GANC: variants seen among roughly 807,000 people sequenced by gnomAD.
GANC encodes the protein glucosidase alpha, neutral C.
A neutral mutation model predicts 124.2 loss-of-function variants in GANC; 117 were observed. The ratio of observed to expected loss-of-function variants is 0.94; its 90% CI spans 0.81 to 1.10. GANC has a LOEUF of 1.10. GANC is among the 50% of genes least tolerant of loss of function. GANC has a pLI of 0.00. For missense variants in GANC, 1,140 were observed against 1,095.0 expected, an observed-to-expected ratio of 1.04 and a Z score of -0.58; for synonymous variants, 377 against 376.8, an observed-to-expected ratio of 1.00 and a Z score of -0.01.
intron 5 of GANC, among the ~76,000 whole-genome samples, chr15:42,296,266 T>C (rs1439022886): frequency 6.6e-6 from 1 of 152,206 alleles, no homozygotes; most frequent in Non-Finnish European, 1.5e-5. Flanking sequence ...CTGAAATTAA[T>C]ATATCTACTC....
chr15:42,353,037 G>A lies in GANC; in HGVS notation c.*898G>A. The stretch of plus-strand genomic sequence containing the variant: ...GAATTAATGCAAAAAAAACCATGAT[G>A]AACAAAATATTAAAATTTAAAATAA... On this transcript the variant is annotated 3_prime_UTR_variant, in exon 24 of 24. Transcript: ENST00000318010. 9.4e-6 allele frequency: 8 copies of A among 849,358 alleles called. No individual in the cohort carries two copies. The highest frequency in any genetic ancestry group is 1.1e-5 in the Non-Finnish European group (8 of 705,736). 52.6% of individuals were successfully genotyped at this position (849,358 alleles called of 1,614,324 possible).
intron 9 of GANC, 90 bp from the exon 10 acceptor site, chr15:42,310,603 C>G: frequency 6.6e-7 from 1 of 1,514,160 alleles, no homozygotes; most frequent in Non-Finnish European, 9.0e-7. Flanking sequence ...TCAGTAGTAT[C>G]TACTAAAGGA....
rs1263532044 is a variant in GANC at position 42,274,587 on chromosome 15, T to C, written c.29+77T>C. Reference sequence around the variant, plus strand: ...GGAATAGTGTTTTAATTGCATTTCTTATTTGCGTATTTGGTATTTGCTGAC... The same window carrying C: ...GGAATAGTGTTTTAATTGCATTTCTCATTTGCGTATTTGGTATTTGCTGAC... On this transcript the variant is annotated intron_variant, in intron 1 of 23. Coordinates refer to ENST00000318010, the MANE Select transcript of GANC (RefSeq NM_198141.3). 4 of 1,355,014 alleles carry C rather than the reference T, an allele frequency of 3.0e-6. No individual in the cohort carries two copies. The Admixed American group carries it at 9.9e-5, about 34-fold the overall frequency. 83.9% of individuals were successfully genotyped at this position (1,355,014 alleles called of 1,614,324 possible). A position where few individuals can be genotyped will look rare whatever the true frequency, so the allele number is the denominator to read the frequency against.
intron 8 of GANC, among the ~76,000 whole-genome samples, chr15:42,309,434 C>T (rs1047245513): frequency 6.6e-6 from 1 of 151,970 alleles, no homozygotes; most frequent in Non-Finnish European, 1.5e-5. Context: ...ATTCTCCTGC[C>T]TCAGCCTCCC....
At chr15:42,315,723 T>A (rs2052095688) in intron 10 of GANC, among the ~76,000 whole-genome samples, 1 of 152,188 alleles carries the variant, frequency 6.6e-6, no homozygotes, top group South Asian at 2.1e-4. Context: ...AGATTAACAT[T>A]TAAGTCAGTA....
At chr15:42,287,355 G>A (rs2051799557) in intron 3 of GANC, among the ~76,000 whole-genome samples, 2 of 152,130 alleles carry the variant, frequency 1.3e-5, no homozygotes, top group African/African-American at 2.4e-5. Flanking sequence ...AGATACAGTA[G>A]CCACATGTCC....
At chr15:42,326,154 G>A (rs1343775726) in intron 11 of GANC, 144 bp from the exon 12 acceptor site, 4 of 630,604 alleles carry the variant, frequency 6.3e-6, no homozygotes, top group Non-Finnish European at 1.1e-5. Flanking sequence ...TTTTGTTTTT[G>A]TTTTTGTTTT....
chr15:42,297,547 A>G, intron 5 of GANC, 64 bp from the exon 6 acceptor site: 1 of 1,238,668 alleles, frequency 8.1e-7, no homozygotes, highest in Non-Finnish European at 1.2e-6. Context: ...AAAAATCTTT[A>G]TCATTGAACA....
chr15:42,350,601 G>T (rs1359289875), intron 22 of GANC, among the ~76,000 whole-genome samples: 1 of 140,262 alleles, frequency 7.1e-6, no homozygotes, highest in Admixed American at 7.4e-5. Context: ...CGCCCAGGCT[G>T]GAGTGCAGTG....
chr15:42,287,391 T>C (rs2051800069), intron 3 of GANC, among the ~76,000 whole-genome samples: 1 of 152,228 alleles, frequency 6.6e-6, no homozygotes, highest in Non-Finnish European at 1.5e-5. Flanking sequence ...AGTTTCAGTT[T>C]ATGCCTGTCT....
intron 10 of GANC, chr15:42,314,271 G>A (rs1229166358): frequency 1.8e-5 from 12 of 652,148 alleles, no homozygotes; most frequent in African/African-American, 3.6e-5. Context: ...AGCCTGATGA[G>A]GAAAGGGGGC....
At position 42,340,781 on chromosome 15, in the gene GANC, T is replaced by G. The variant is rs767110722; in HGVS notation, c.2152+27T>G. Reference sequence around the variant, plus strand: ...TGAGCATTTCTGTTTTTTTTTTTTTTTTTGAGACGGAGTCTCACTCTGTCA... The same window carrying G: ...TGAGCATTTCTGTTTTTTTTTTTTTGTTTGAGACGGAGTCTCACTCTGTCA... On this transcript the variant is annotated intron_variant, in intron 18 of 23. Coordinates refer to ENST00000318010, the MANE Select transcript of GANC (RefSeq NM_198141.3). The G allele has an allele frequency of 3.0e-4, 466 of 1,574,714 alleles. 2 individuals carry two copies. The highest frequency in any genetic ancestry group is 3.9e-5 in the Non-Finnish European group (46 of 1,165,698).
Position 42,352,022 on chromosome 15 carries a change from CTATT to C in GANC, c.2636-5_2636-2del. 6.2e-7 allele frequency: 1 copy of C among 1,613,790 alleles called. No individual in the cohort carries two copies. The highest frequency in any genetic ancestry group is 2.2e-5 in the East Asian group (1 of 44,872). ...AAAATTTCCCTCTTTTATTGTCTTG[CTATT>C]TAGATGGTAAAGATCAGCCTGTGGC... On this transcript the variant is annotated splice_polypyrimidine_tract_variant and splice_region_variant and intron_variant, in intron 23 of 23. Coordinates refer to ENST00000318010, the MANE Select transcript of GANC (RefSeq NM_198141.3).
Position 42,314,245 on chromosome 15 carries a change from C to T in GANC, c.1057+3399C>T, listed in dbSNP as rs556503231. 3.3e-5 allele frequency: 23 copies of T among 700,768 alleles called. No individual in the cohort carries two copies. In the African/African-American group the frequency reaches 3.4e-4, roughly 10 times the overall value. 43.4% of individuals were successfully genotyped at this position (700,768 alleles called of 1,614,324 possible). A position where few individuals can be genotyped will look rare whatever the true frequency, so the allele number is the denominator to read the frequency against. ...TAAAGCACCTGAAGCACGTAGCTAC[C>T]CAGCATGGAATTTAAAGCCTGATGA... On this transcript the variant is annotated intron_variant, in intron 10 of 23. Transcript: ENST00000318010.
chr15:42,323,972 AC>A (rs1475513940), intron 11 of GANC, among the ~76,000 whole-genome samples: 1 of 152,192 alleles, frequency 6.6e-6, no homozygotes, highest in African/African-American at 2.4e-5. Flanking sequence ...GGAGGATCTG[AC>A]CAGAAAGGTT....
chr15:42,336,063 G>A (rs917332441), intron 15 of GANC, among the ~76,000 whole-genome samples: 11 of 151,396 alleles, frequency 7.3e-5, no homozygotes, highest in Non-Finnish European at 1.5e-4. Flanking sequence ...TATAGATTCC[G>A]TGCTATTCCT....
chr15:42,306,644 G>C, intron 7 of GANC, 32 bp downstream of exon 7: 2 of 1,430,010 alleles, frequency 1.4e-6, no homozygotes, highest in Non-Finnish European at 1.9e-6. Flanking sequence ...TATTAAAACA[G>C]ATCATTCTAA....
intron 1 of GANC, among the ~76,000 whole-genome samples, chr15:42,275,243 G>A (rs2051654265): frequency 6.6e-6 from 1 of 152,126 alleles, no homozygotes; most frequent in Non-Finnish European, 1.5e-5. Flanking sequence ...ACGTGGTGAT[G>A]TGGGCCTGTA....
Position 42,340,009 on chromosome 15 carries a change from A to G in GANC, c.2087+97A>G, listed in dbSNP as rs2052317646. 2.1e-6 allele frequency: 3 copies of G among 1,423,602 alleles called. No individual in the cohort carries two copies. The Admixed American group carries it at 6.5e-5, about 31-fold the overall frequency. The allele number at this position is 1,423,602 out of a possible 1,614,324, so 88.2% of individuals were successfully genotyped here. A position where few individuals can be genotyped will look rare whatever the true frequency, so the allele number is the denominator to read the frequency against. ...GCAATAATTACAGTGATTTCAAGAG[A>G]AAGGTGAAGAAAAGCTACATGTTTA... On this transcript the variant is annotated intron_variant, in intron 17 of 23. Coordinates refer to ENST00000318010, the MANE Select transcript of GANC (RefSeq NM_198141.3).
Sources: allele counts gnomAD v4.1 joint callset (sites outside exome capture counted in the v4.1 genomes callset), GRCh38; gene constraint gnomAD v4.1.1; transcripts MANE v1.5; gene names NCBI Gene and HGNC (gene_info 2026-07-23, HGNC 2026-07-21).